The following NELL2 variants were observed in gnomAD, a reference collection of about 807,000 sequenced individuals.
The protein encoded by NELL2 is neural EGFL like 2.
NELL2 carries 41 observed loss-of-function variants against 109.6 expected under a neutral mutation model. The observed-to-expected ratio is 0.37, with a 90% confidence interval of 0.29 to 0.49. NELL2 has a LOEUF of 0.49. NELL2 is among the 20% of genes least tolerant of loss of function. The pLI, the probability that NELL2 is intolerant of heterozygous loss-of-function variation, is 0.98. For synonymous variants in NELL2, 355 were observed against 344.7 expected (o/e 1.03, Z -0.33); for missense variants, 900 against 1,008.3 (o/e 0.89, Z 1.45).
rs141246898 is a variant in NELL2, at chr12:44,665,516, C to T, written c.1412G>A (p.Gly471Glu). 155 of 1,613,240 alleles carry T rather than the reference C, an allele frequency of 9.6e-5. No individual in the cohort carries two copies. The highest frequency in any genetic ancestry group is 1.3e-4 in the Non-Finnish European group (150 of 1,179,422). ...PGSFMCICKT[G>E]YIRIDDYSCT... is the part of the protein sequence containing the mutation. ...TGAATAATCATCAATTCTGATGTAT[C>T]CAGTTTTGCAGATGCACATAAAAGA... The change falls in exon 13 of 20, where the codon GGA (glycine) becomes GAA (glutamate). Residue 471 changes from glycine (G) to glutamate (E), a missense_variant. Transcript: ENST00000429094.
intron 1 of NELL2, among the ~76,000 whole-genome samples, chr12:44,889,670 G>C (rs1319774011): frequency 6.6e-6 from 1 of 150,730 alleles, no homozygotes; most frequent in East Asian, 1.9e-4. Flanking sequence ...ACTTATATCA[G>C]ATTTTTTTCT....
chr12:44,842,143 A>G (rs1944250078), intron 2 of NELL2, among the ~76,000 whole-genome samples: 1 of 82,800 alleles, frequency 1.2e-5, no homozygotes, highest in Non-Finnish European at 2.7e-5. Context: ...AAGGAAAGGG[A>G]AAGAAGGAAG....
At chr12:44,553,777 C>T (rs188297399) in intron 15 of NELL2, among the ~76,000 whole-genome samples, 1 of 151,982 alleles carries the variant, frequency 6.6e-6, no homozygotes, top group Non-Finnish European at 1.5e-5. Context: ...TAAAGTAATA[C>T]CACGGAGGAC....
At chr12:44,685,784 T>C (rs942560424) in intron 12 of NELL2, among the ~76,000 whole-genome samples, 9 of 152,336 alleles carry the variant, frequency 5.9e-5, no homozygotes, top group African/African-American at 1.7e-4. Context: ...CGGAGAGATC[T>C]GCTGTTAGTC....
intron 3 of NELL2, among the ~76,000 whole-genome samples, chr12:44,790,702 C>T (rs1031454471): frequency 6.6e-6 from 1 of 151,798 alleles, no homozygotes; most frequent in African/African-American, 2.4e-5. Context: ...AAATGCTCCA[C>T]ATAAGAGATA....
chr12:44,676,581 T>C (rs1948328190), intron 12 of NELL2, among the ~76,000 whole-genome samples: 2 of 152,128 alleles, frequency 1.3e-5, no homozygotes, highest in South Asian at 4.1e-4. Context: ...TGGCCACAAA[T>C]TTGCTTCATT....
intron 15 of NELL2, among the ~76,000 whole-genome samples, chr12:44,605,169 G>C (rs1945353270): frequency 6.6e-6 from 1 of 152,112 alleles, no homozygotes; most frequent in African/African-American, 2.4e-5. Flanking sequence ...GGATGCACTG[G>C]ATAAAAGCCT....
chr12:44,775,997 G>C, intron 8 of NELL2, 25 bp downstream of exon 8: 1 of 1,606,930 alleles, frequency 6.2e-7, no homozygotes, highest in Non-Finnish European at 8.5e-7. Context: ...AGTTCCCTTA[G>C]TCTCAACTCA....
intron 2 of NELL2, among the ~76,000 whole-genome samples, chr12:44,869,071 T>C (rs1945090935): frequency 6.6e-6 from 1 of 152,150 alleles, no homozygotes; most frequent in South Asian, 2.1e-4. Flanking sequence ...AATCTCATCA[T>C]CCAAATCATC....
At chr12:44,897,508 C>T (rs575588029) in intron 1 of NELL2, among the ~76,000 whole-genome samples, 36 of 152,062 alleles carry the variant, frequency 2.4e-4, no homozygotes, top group African/African-American at 7.2e-4. Flanking sequence ...ACCAAGGAAG[C>T]GCAAGGGGTT....
chr12:44,521,867 A>G, intron 18 of NELL2, 133 bp downstream of exon 18: 2 of 819,380 alleles, frequency 2.4e-6, no homozygotes, highest in East Asian at 5.2e-5. Context: ...TCATCATCCT[A>G]ACCAGGCTCA....
chr12:44,563,202 A>G (rs1196413607), intron 15 of NELL2, among the ~76,000 whole-genome samples: 5 of 152,132 alleles, frequency 3.3e-5, no homozygotes, highest in Non-Finnish European at 7.3e-5. Context: ...ATTAGGAGAA[A>G]TACCTAATGT....
Position 44,587,144 on chromosome 12 carries a change from C to T in NELL2, c.1663+20025G>A, listed in dbSNP as rs11182545. ...AAAATTAGATGGGCATGGTGGCACA[C>T]GCCTGTAGTCCCACCTACTCGGGAG... On this transcript the variant is annotated intron_variant, in intron 15 of 19. Coordinates refer to ENST00000429094, the MANE Select transcript of NELL2 (RefSeq NM_001145108.2). Among the ~76,000 whole-genome samples, 17 of 150,888 alleles carry T rather than the reference C, an allele frequency of 1.1e-4. No homozygotes were observed. In the South Asian group the frequency reaches 1.5e-3, roughly 13 times the overall value.
intron 2 of NELL2, among the ~76,000 whole-genome samples, chr12:44,816,445 T>C (rs1943354337): frequency 6.6e-6 from 1 of 152,148 alleles, no homozygotes; most frequent in African/African-American, 2.4e-5. Flanking sequence ...CTCTACACAA[T>C]TCCTATATTC....
At chr12:44,512,765 A>G (rs1941057185) in intron 19 of NELL2, among the ~76,000 whole-genome samples, 1 of 152,086 alleles carries the variant, frequency 6.6e-6, no homozygotes, top group Admixed American at 6.6e-5. Context: ...GAGCTAAAAA[A>G]TTCATCTTAT....
intron 2 of NELL2, among the ~76,000 whole-genome samples, chr12:44,859,817 C>G (rs1189666205): frequency 5.9e-5 from 9 of 152,276 alleles, no homozygotes; most frequent in South Asian, 4.1e-4. Context: ...GTTCACCTGC[C>G]AGAGCCTGTC....
chr12:44,554,973 G>T (rs921565321), intron 15 of NELL2, among the ~76,000 whole-genome samples: 5 of 152,194 alleles, frequency 3.3e-5, no homozygotes, highest in Non-Finnish European at 5.9e-5. Flanking sequence ...CACAGAGTAG[G>T]TAGCCTCCTT....
chr12:44,534,966 T>C (rs1190648211), intron 15 of NELL2, among the ~76,000 whole-genome samples: 3 of 152,044 alleles, frequency 2.0e-5, no homozygotes, highest in Non-Finnish European at 4.4e-5. Context: ...ACTTCATTTC[T>C]CTCTTGTCAC....
chr12:44,509,698 A>C (rs973754895), intron 19 of NELL2, among the ~76,000 whole-genome samples: 1 of 152,190 alleles, frequency 6.6e-6, no homozygotes, highest in East Asian at 1.9e-4. Flanking sequence ...TCAGCCTCCA[A>C]AATTGTGGGG....
Sources: gnomAD v4.1 joint callset for allele counts (sites outside exome capture counted in the v4.1 genomes callset) on GRCh38, gnomAD v4.1.1 for gene constraint, MANE v1.5 for transcripts, NCBI Gene and HGNC (gene_info 2026-07-23, HGNC 2026-07-21) for gene names.